The following FOXP1 variants were observed in gnomAD, a reference collection of about 807,000 sequenced individuals.
FOXP1 encodes the protein forkhead box protein P1.
In FOXP1, 15 loss-of-function variants were observed where a neutral mutation model predicts 98.2. That is an observed-to-expected ratio of 0.15 (90% CI 0.10 to 0.24). The LOEUF is 0.24. Among genes scored for constraint, FOXP1 ranks in the 10% least tolerant of loss-of-function variants. The pLI, the probability that FOXP1 is intolerant of heterozygous loss-of-function variation, is 1.00. For synonymous variants in FOXP1, 371 were observed against 314.5 expected (o/e 1.18, Z -1.90); for missense variants, 633 against 848.5 (o/e 0.75, Z 3.15).
intron 3 of FOXP1, among the ~76,000 whole-genome samples, chr3:71,374,474 T>A (rs951786766): frequency 6.6e-6 from 1 of 151,932 alleles, no homozygotes; most frequent in African/African-American, 2.4e-5. Context: ...ACACCTGTAA[T>A]CCCAGCTACT....
chr3:71,088,452 C>T (rs774294717), intron 7 of FOXP1, among the ~76,000 whole-genome samples: 8 of 151,344 alleles, frequency 5.3e-5, no homozygotes, highest in South Asian at 2.1e-4. Context: ...TGTAATCTCC[C>T]GGCTGCTTTC....
chr3:71,240,325 A>G (rs566799619), intron 5 of FOXP1, among the ~76,000 whole-genome samples: 1 of 152,354 alleles, frequency 6.6e-6, no homozygotes, highest in East Asian at 1.9e-4. Flanking sequence ...ATGGAAGGGC[A>G]GTGTACTGGC....
intron 12 of FOXP1, among the ~76,000 whole-genome samples, chr3:71,004,117 A>G (rs979255253): frequency 6.6e-6 from 1 of 152,154 alleles, no homozygotes; most frequent in African/African-American, 2.4e-5. Flanking sequence ...AATTAAAGCA[A>G]AACAATTGTT....
chr3:71,216,800 C>T (rs2108487113), intron 5 of FOXP1, among the ~76,000 whole-genome samples: 1 of 152,260 alleles, frequency 6.6e-6, no homozygotes, highest in South Asian at 2.1e-4. Flanking sequence ...TGTCCTTCTA[C>T]AGCAGTCGTT....
chr3:70,991,076 A>C (rs111708478), intron 13 of FOXP1, among the ~76,000 whole-genome samples: 9,570 of 150,834 alleles, frequency 0.063, 551 homozygotes, highest in African/African-American at 0.14. Flanking sequence ...TTTTAAGAAA[A>C]GTGAAATCGG....
intron 3 of FOXP1, among the ~76,000 whole-genome samples, chr3:71,369,545 C>T (rs1159404290): frequency 6.6e-6 from 1 of 152,160 alleles, no homozygotes; most frequent in African/African-American, 2.4e-5. Flanking sequence ...TAGGCATGCA[C>T]CACCATGCCC....
intron 11 of FOXP1, among the ~76,000 whole-genome samples, chr3:71,037,817 C>T (rs1056665102): frequency 1.1e-4 from 16 of 152,252 alleles, no homozygotes; most frequent in African/African-American, 3.9e-4. Context: ...ATCCGCCTCA[C>T]AAATCACATG....
intron 2 of FOXP1, among the ~76,000 whole-genome samples, chr3:71,530,733 T>C (rs1377461591): frequency 6.6e-6 from 1 of 152,218 alleles, no homozygotes; most frequent in Non-Finnish European, 1.5e-5. Context: ...GTAGGTGTGA[T>C]TGTTCCAGTT....
intron 2 of FOXP1, among the ~76,000 whole-genome samples, chr3:71,576,333 T>TA (rs375219377): frequency 8.2e-4 from 123 of 149,752 alleles, no homozygotes; most frequent in East Asian, 4.5e-3. Flanking sequence ...TATTCCTTTT[T>TA]AAAAAAAAAA....
rs962872824 is a variant in FOXP1, at chr3:71,317,120, C to G, written c.-72-17240G>C. 2.6e-5 allele frequency among the ~76,000 whole-genome samples: 4 copies of G among 152,182 alleles called. No homozygotes were observed. The South Asian group carries it at 8.3e-4, about 32-fold the overall frequency. On this transcript the variant is annotated intron_variant, in intron 4 of 20. Transcript: ENST00000649528. ...TTCTAACAGCTCCTACTTTCTACTC[C>G]ACTTTTACTACCCTCTAGGAAAAGG... is the stretch of plus-strand genomic sequence containing the variant.
At chr3:71,283,388 A>G (rs1576757609) in intron 5 of FOXP1, among the ~76,000 whole-genome samples, 2 of 152,156 alleles carry the variant, frequency 1.3e-5, no homozygotes, top group East Asian at 3.9e-4. Flanking sequence ...TAGAGCTTAA[A>G]TGGACACTAC....
At chr3:71,541,401 C>T (rs1436837986) in intron 2 of FOXP1, among the ~76,000 whole-genome samples, 1 of 152,126 alleles carries the variant, frequency 6.6e-6, no homozygotes, top group Non-Finnish European at 1.5e-5. Context: ...TCTTTCCTGG[C>T]TGGTCCATAT....
chr3:71,454,396 T>C (rs1039138769), intron 3 of FOXP1, among the ~76,000 whole-genome samples: 7 of 152,162 alleles, frequency 4.6e-5, no homozygotes, highest in African/African-American at 1.4e-4. Context: ...AAGCAGGAGC[T>C]AAGGCACAGA....
intron 6 of FOXP1, among the ~76,000 whole-genome samples, chr3:71,179,175 C>T (rs1208369227): frequency 1.5e-5 from 2 of 136,826 alleles, no homozygotes; most frequent in Admixed American, 1.6e-4. Flanking sequence ...CTTTCTGTCA[C>T]CCAGGCTGAG....
At chr3:71,471,987 G>A (rs1247962663) in intron 3 of FOXP1, among the ~76,000 whole-genome samples, 1 of 152,108 alleles carries the variant, frequency 6.6e-6, no homozygotes, top group East Asian at 1.9e-4. Context: ...CCTCCAGTTT[G>A]CCTAATGGTA....
At chr3:71,487,565 C>T (rs1346924261) in intron 3 of FOXP1, among the ~76,000 whole-genome samples, 2 of 152,216 alleles carry the variant, frequency 1.3e-5, no homozygotes, top group African/African-American at 2.4e-5. Context: ...GCCACATCTA[C>T]ACTCAGTAAA....
chr3:71,477,900 G>A (rs1464875967), intron 3 of FOXP1, among the ~76,000 whole-genome samples: 2 of 152,084 alleles, frequency 1.3e-5, no homozygotes, highest in African/African-American at 2.4e-5. Context: ...GTTTATACAA[G>A]ACAAGAAACA....
chr3:70,975,027 G>C (rs1307113749), intron 17 of FOXP1, among the ~76,000 whole-genome samples: 1 of 152,166 alleles, frequency 6.6e-6, no homozygotes, highest in Non-Finnish European at 1.5e-5. Flanking sequence ...TTCATCTTTT[G>C]TCTAAGATCA....
chr3:71,215,478 A>G (rs1421156896), intron 5 of FOXP1, among the ~76,000 whole-genome samples: 1 of 152,232 alleles, frequency 6.6e-6, no homozygotes, highest in Non-Finnish European at 1.5e-5. Context: ...GTGTTCTGAG[A>G]GCACAGAGGA....
Sources: gnomAD v4.1 joint callset for allele counts (sites outside exome capture counted in the v4.1 genomes callset) on GRCh38, gnomAD v4.1.1 for gene constraint, MANE v1.5 for transcripts, NCBI Gene and HGNC (gene_info 2026-07-23, HGNC 2026-07-21) for gene names.